The following ADAMTS17 variants were observed in gnomAD, a reference collection of about 807,000 sequenced individuals.
The protein encoded by ADAMTS17 is ADAM metallopeptidase with thrombospondin type 1 motif 17, also known as A disintegrin and metalloproteinase with thrombospondin motifs 17.
Under a neutral mutation model 141.5 loss-of-function variants are expected in ADAMTS17, and 113 were observed. The ratio of observed to expected loss-of-function variants is 0.80; its 90% CI spans 0.69 to 0.93. The LOEUF is 0.93. Ranked by LOEUF, ADAMTS17 falls within the 40% of genes least tolerant of loss-of-function variation. The probability of loss-of-function intolerance (pLI) is 0.00; values close to 1 mark genes in which losing one functional copy is unlikely to be tolerated. For missense variants in ADAMTS17, 1,659 were observed against 1,517.9 expected (o/e 1.09, Z -1.54); for synonymous variants, 768 against 630.6 (o/e 1.22, Z -3.27).
intron 4 of ADAMTS17, among the ~76,000 whole-genome samples, chr15:100,276,725 C>T (rs545911107): frequency 7.9e-5 from 12 of 152,128 alleles, no homozygotes; most frequent in African/African-American, 1.7e-4. Flanking sequence ...GCTGGCATCA[C>T]GTTCTGCTCT....
At chr15:100,045,118 AT>A (rs879766495) in intron 18 of ADAMTS17, among the ~76,000 whole-genome samples, 1 of 151,404 alleles carries the variant, frequency 6.6e-6, no homozygotes, top group Non-Finnish European at 1.5e-5. Flanking sequence ...GTTAATTTGG[AT>A]TTTTTTAGAA....
intron 15 of ADAMTS17, among the ~76,000 whole-genome samples, chr15:100,091,470 G>C (rs896635378): frequency 4.6e-5 from 7 of 152,206 alleles, no homozygotes; most frequent in Non-Finnish European, 1.0e-4. Context: ...CGTGGTTCCA[G>C]GAGAACATGC....
intron 8 of ADAMTS17, among the ~76,000 whole-genome samples, chr15:100,162,980 GTA>G (rs1305114612): frequency 7.5e-6 from 1 of 134,100 alleles, no homozygotes; most frequent in Non-Finnish European, 1.6e-5. Flanking sequence ...ATATATATGT[GTA>G]TATATAACTA....
chr15:100,213,820 C>T (rs976835427), intron 7 of ADAMTS17, among the ~76,000 whole-genome samples: 3 of 152,234 alleles, frequency 2.0e-5, no homozygotes, highest in African/African-American at 7.2e-5. Context: ...TGGGAGCACA[C>T]GCACTACCAG....
chr15:100,214,791 C>T (rs1438675531), intron 7 of ADAMTS17, among the ~76,000 whole-genome samples: 2 of 152,208 alleles, frequency 1.3e-5, no homozygotes, highest in Non-Finnish European at 2.9e-5. Context: ...GCTAGTCATC[C>T]CAATTCCAAA....
chr15:100,308,021 C>G (rs1223654346), intron 3 of ADAMTS17, among the ~76,000 whole-genome samples: 4 of 152,386 alleles, frequency 2.6e-5, no homozygotes, highest in African/African-American at 9.6e-5. Flanking sequence ...CTCCACTTTA[C>G]AGAATTTACT....
rs909546202 is a variant in ADAMTS17 at position 100,006,984 on chromosome 15, C to T, written c.2592-9395G>A. ...GTCTCAGCCTCTTTGTTCCCAGATA[C>T]GTGAGTGTCAACCTCACGTTGAGTC... On this transcript the variant is annotated intron_variant, in intron 18 of 21. Transcript: ENST00000268070. Among the ~76,000 whole-genome samples, 11 of 152,336 alleles carry T rather than the reference C, an allele frequency of 7.2e-5. No homozygotes were observed. In the East Asian group the frequency reaches 7.7e-4, roughly 11 times the overall value.
intron 7 of ADAMTS17, among the ~76,000 whole-genome samples, chr15:100,222,149 T>C (rs575066635): frequency 4.1e-4 from 63 of 152,338 alleles, no homozygotes; most frequent in South Asian, 3.3e-3. Context: ...TATTTCCTTG[T>C]AGCTACGGAA....
intron 14 of ADAMTS17, among the ~76,000 whole-genome samples, chr15:100,100,193 A>G (rs1337360325): frequency 1.3e-5 from 2 of 152,200 alleles, no homozygotes; most frequent in East Asian, 3.9e-4. Flanking sequence ...TGTGTGCTAA[A>G]GATGCCCTGG....
chr15:99,982,727 C>T (rs2060506443), intron 20 of ADAMTS17, among the ~76,000 whole-genome samples: 1 of 152,226 alleles, frequency 6.6e-6, no homozygotes, highest in Non-Finnish European at 1.5e-5. Flanking sequence ...TTTCATGTGG[C>T]TTCCCAAGAT....
At chr15:100,217,701 A>G (rs1849331101) in intron 7 of ADAMTS17, among the ~76,000 whole-genome samples, 1 of 152,256 alleles carries the variant, frequency 6.6e-6, no homozygotes, top group African/African-American at 2.4e-5. Context: ...TGACTACATC[A>G]AAGTTGAAAT....
chr15:100,289,676 C>T (rs979679681), intron 3 of ADAMTS17, among the ~76,000 whole-genome samples: 1 of 152,132 alleles, frequency 6.6e-6, no homozygotes, highest in East Asian at 1.9e-4. Context: ...CATGATCAAC[C>T]AGGCTTTATT....
intron 10 of ADAMTS17, among the ~76,000 whole-genome samples, chr15:100,148,521 CT>C (rs58967475): frequency 0.03 from 4,345 of 144,606 alleles, 108 homozygotes; most frequent in African/African-American, 0.076. Flanking sequence ...GGCTGACAGC[CT>C]TTTTTTTTTT....
intron 3 of ADAMTS17, among the ~76,000 whole-genome samples, chr15:100,327,587 A>G (rs2045936500): frequency 6.6e-6 from 1 of 152,268 alleles, no homozygotes. Flanking sequence ...TAAGAGTATG[A>G]AAATGCTGGG....
intron 8 of ADAMTS17, among the ~76,000 whole-genome samples, chr15:100,192,508 C>T (rs1468834480): frequency 6.6e-6 from 1 of 152,212 alleles, no homozygotes; most frequent in Non-Finnish European, 1.5e-5. Flanking sequence ...ATGACATTCT[C>T]AGAAATTCTC....
intron 7 of ADAMTS17, among the ~76,000 whole-genome samples, chr15:100,213,002 G>A (rs1486238939): frequency 6.6e-6 from 1 of 152,020 alleles, no homozygotes; most frequent in Non-Finnish European, 1.5e-5. Flanking sequence ...TATAAAAAAA[G>A]AAGAAAAACA....
At chr15:100,271,036 T>C (rs530173013) in intron 4 of ADAMTS17, among the ~76,000 whole-genome samples, 13 of 152,116 alleles carry the variant, frequency 8.5e-5, no homozygotes, top group African/African-American at 2.6e-4. Flanking sequence ...CGTAGCATAA[T>C]GTCTTCACAG....
chr15:100,305,204 T>C (rs184477458), intron 3 of ADAMTS17, among the ~76,000 whole-genome samples: 2 of 152,322 alleles, frequency 1.3e-5, no homozygotes, highest in Non-Finnish European at 2.9e-5. Context: ...AAAAACACCT[T>C]ATAAAGCTTA....
In ADAMTS17 at chr15:100,133,272, G is replaced by A. The variant is rs758693059; in HGVS notation, c.1517C>T (p.Thr506Ile). ...AGGGTCCAGCTTGGTCTTGCAGGAT[G>A]TGTCTCCTTCTACCAGGCACCACAG... The part of the protein sequence containing the change: ...AGLWCLVEGD[T>I]SCKTKLDPPL... The change falls in exon 11 of 22, where the codon ACA becomes ATA. Residue 506 changes from threonine (T) to isoleucine (I), a missense_variant. Physicochemically the swap from Thr to Ile is moderately conservative, Grantham distance 89. Transcript: ENST00000268070. 19 of 1,598,750 alleles carry A rather than the reference G, an allele frequency of 1.2e-5. No individual in the cohort carries two copies. The South Asian group carries it at 1.5e-4, about 12-fold the overall frequency.
Sources: allele counts gnomAD v4.1 joint callset (sites outside exome capture counted in the v4.1 genomes callset), GRCh38; gene constraint gnomAD v4.1.1; transcripts MANE v1.5; gene names NCBI Gene and HGNC (gene_info 2026-07-23, HGNC 2026-07-21).